Variants in DGCR2 observed in about 807,000 individuals in gnomAD.
DGCR2 encodes the protein integral membrane protein DGCR2/IDD.
Under a neutral mutation model 51.6 loss-of-function variants are expected in DGCR2, and 24 were observed. The ratio of observed to expected loss-of-function variants is 0.47; its 90% CI spans 0.34 to 0.65. DGCR2 has a LOEUF of 0.65. Among genes scored for constraint, DGCR2 ranks in the 30% least tolerant of loss-of-function variants. The pLI, the probability that DGCR2 is intolerant of heterozygous loss-of-function variation, is 0.01. For synonymous variants in DGCR2, 340 were observed against 315.4 expected (o/e 1.08, Z -0.82); for missense variants, 765 against 772.1 (o/e 0.99, Z 0.11).
intron 6 of DGCR2, among the ~76,000 whole-genome samples, chr22:19,049,669 A>G (rs1462522974): frequency 6.6e-6 from 1 of 152,088 alleles, no homozygotes; most frequent in Non-Finnish European, 1.5e-5. Context: ...TCCACTAAAA[A>G]TACAAAAATT....
chr22:19,074,024 T>C (rs765340025), intron 2 of DGCR2, among the ~76,000 whole-genome samples: 4 of 152,150 alleles, frequency 2.6e-5, no homozygotes, highest in Non-Finnish European at 4.4e-5. Context: ...TAGAGATCTG[T>C]AACTGAGGGG....
intron 1 of DGCR2, among the ~76,000 whole-genome samples, chr22:19,111,811 T>C (rs1002233689): frequency 2.6e-5 from 4 of 151,842 alleles, no homozygotes; most frequent in Admixed American, 2.6e-4. Flanking sequence ...TGGGCCCAAA[T>C]AGCCCTTGAA....
At chr22:19,073,788 G>A (rs913771546) in intron 2 of DGCR2, among the ~76,000 whole-genome samples, 1 of 152,198 alleles carries the variant, frequency 6.6e-6, no homozygotes, top group African/African-American at 2.4e-5. Flanking sequence ...TGTCTCCTAT[G>A]TTCCTTTTCC....
intron 1 of DGCR2, among the ~76,000 whole-genome samples, chr22:19,103,565 A>T (rs1480080131): frequency 6.7e-6 from 1 of 149,476 alleles, no homozygotes; most frequent in Non-Finnish European, 1.5e-5. Context: ...CGAGTAGCTG[A>T]GATTAGGCGC....
In DGCR2 at chr22:19,037,349, T is replaced by C. The variant is rs1601490445; in HGVS notation, c.*1516A>G. ...CTCATTCCACATGGGATGGAAAAAA[T>C]GGGTCTCCAGCCACAGTGTGAGAAT... On this transcript the variant is annotated 3_prime_UTR_variant, in exon 10 of 10. Transcript: ENST00000263196. The C allele has an allele frequency of 6.6e-6, 1 of 152,098 alleles. No individual in the cohort carries two copies. The highest frequency in any genetic ancestry group is 2.4e-5 in the African/African-American group (1 of 41,386). The allele number at this position is 152,098 out of a possible 1,614,324, so 9.4% of individuals were successfully genotyped here. A position where few individuals can be genotyped will look rare whatever the true frequency, so the allele number is the denominator to read the frequency against.
At chr22:19,051,188 CAAAA>C (rs61277487) in intron 6 of DGCR2, among the ~76,000 whole-genome samples, 16 of 54,854 alleles carry the variant, frequency 2.9e-4, no homozygotes, top group South Asian at 9.3e-4. Flanking sequence ...AATTCTGTCA[CAAAA>C]AAAAAAAAAA....
intron 9 of DGCR2, 49 bp downstream of exon 9, chr22:19,041,008 CG>C: frequency 6.7e-7 from 1 of 1,485,464 alleles, no homozygotes; most frequent in Non-Finnish European, 9.2e-7. Context: ...CTCAGCCCCA[CG>C]TGCCAGGTTA....
At chr22:19,053,743 A>G (rs570765704) in intron 6 of DGCR2, among the ~76,000 whole-genome samples, 1 of 152,356 alleles carries the variant, frequency 6.6e-6, no homozygotes, top group South Asian at 2.1e-4. Flanking sequence ...AGATGAAGGA[A>G]CTTCCCCACA....
chr22:19,064,002 C>A (rs2082719132), intron 4 of DGCR2, among the ~76,000 whole-genome samples: 1 of 152,240 alleles, frequency 6.6e-6, no homozygotes, highest in South Asian at 2.1e-4. Flanking sequence ...AGCCAGCCCA[C>A]CTCAGGCCTG....
chr22:19,054,342 G>A (rs1277196717), intron 6 of DGCR2, among the ~76,000 whole-genome samples: 5 of 152,326 alleles, frequency 3.3e-5, no homozygotes, highest in Non-Finnish European at 7.3e-5. Context: ...CTGAAATACT[G>A]TAACTGGTGA....
chr22:19,064,340 G>C (rs2082723350), intron 4 of DGCR2, among the ~76,000 whole-genome samples: 1 of 152,214 alleles, frequency 6.6e-6, no homozygotes, highest in African/African-American at 2.4e-5. Context: ...TCCTCCCTTT[G>C]TAGCTGCAGA....
At chr22:19,054,118 A>C (rs2082576602) in intron 6 of DGCR2, among the ~76,000 whole-genome samples, 2 of 152,214 alleles carry the variant, frequency 1.3e-5, no homozygotes, top group African/African-American at 4.8e-5. Flanking sequence ...AACTGGAATA[A>C]TGGATTGTGG....
chr22:19,048,381 G>A (rs951461589), intron 7 of DGCR2, 59 bp downstream of exon 7: 30 of 1,587,286 alleles, frequency 1.9e-5, no homozygotes, highest in African/African-American at 4.0e-5. Context: ...GCAAAGGGAC[G>A]CCCAGCCTCC....
chr22:19,109,739 G>T (rs1185845518), intron 1 of DGCR2, among the ~76,000 whole-genome samples: 1 of 152,148 alleles, frequency 6.6e-6, no homozygotes, highest in Non-Finnish European at 1.5e-5. Flanking sequence ...AACACTGAAT[G>T]AACTGAACAC....
intron 1 of DGCR2, among the ~76,000 whole-genome samples, chr22:19,110,727 A>G (rs115237584): frequency 0.037 from 5,606 of 152,280 alleles, 311 homozygotes; most frequent in African/African-American, 0.13. Context: ...ATATCACAGC[A>G]TGAACTCTAT....
In DGCR2 at chr22:19,041,284, G is replaced by A. The variant is rs1242996595; in HGVS notation, c.1170C>T (p.Phe390=). 2 of 1,613,862 alleles carry A rather than the reference G, an allele frequency of 1.2e-6. No individual in the cohort carries two copies. The highest frequency in any genetic ancestry group is 2.7e-5 in the African/African-American group (2 of 74,930). The change falls in exon 9 of 10, where the codon TTC becomes TTT. Residue 390 remains phenylalanine (F), a synonymous_variant. Transcript: ENST00000263196. ...ESLIGANLHH[F]NLGRRIPGFD... ...AGCCAGGGATCCTGCGGCCGAGGTT[G>A]AAGTGGTGCACTGGGCCATCAAAAG...
At chr22:19,085,715 T>G (rs1248434122) in intron 2 of DGCR2, among the ~76,000 whole-genome samples, 1 of 152,222 alleles carries the variant, frequency 6.6e-6, no homozygotes. Flanking sequence ...ATCTTTCCCC[T>G]TTTTTTGTCC....
At chr22:19,039,199 G>A (rs1468483360) in intron 9 of DGCR2, 78 bp from the exon 10 acceptor site, 1 of 1,564,818 alleles carries the variant, frequency 6.4e-7, no homozygotes, top group Admixed American at 1.8e-5. Flanking sequence ...GGCAAAACCA[G>A]GAGACACTCC....
chr22:19,060,718 G>A (rs757894149), intron 5 of DGCR2: 2 of 314,110 alleles, frequency 6.4e-6, no homozygotes, highest in Admixed American at 8.4e-5. Context: ...TCTGGCAGCA[G>A]CAGCGGCAGT....
Sources: gnomAD v4.1 joint callset for allele counts (sites outside exome capture counted in the v4.1 genomes callset) on GRCh38, gnomAD v4.1.1 for gene constraint, MANE v1.5 for transcripts, NCBI Gene and HGNC (gene_info 2026-07-23, HGNC 2026-07-21) for gene names.